CNTNAP2: variants seen among roughly 807,000 people sequenced by gnomAD.
The protein encoded by CNTNAP2 is contactin-associated protein-like 2.
CNTNAP2 carries 98 observed loss-of-function variants against 155.2 expected under a neutral mutation model. That is an observed-to-expected ratio of 0.63 (90% CI 0.54 to 0.75). The LOEUF (loss-of-function observed/expected upper bound fraction) is 0.75, where lower values mean the gene tolerates loss of function less well. Ranked by LOEUF, CNTNAP2 falls within the 30% of genes least tolerant of loss-of-function variation. The pLI is 0.00. For synonymous variants in CNTNAP2, 651 were observed against 631.2 expected (o/e 1.03, Z -0.47); for missense variants, 1,727 against 1,688.1 (o/e 1.02, Z -0.40).
chr7:146,465,245 A>AT (rs1796701170), intron 1 of CNTNAP2, among the ~76,000 whole-genome samples: 1 of 152,096 alleles, frequency 6.6e-6, no homozygotes, highest in Non-Finnish European at 1.5e-5. Flanking sequence ...AGCTAGCTAA[A>AT]TTTTTCCCCA....
chr7:147,053,275 T>C (rs1799504536), intron 4 of CNTNAP2, among the ~76,000 whole-genome samples: 1 of 152,050 alleles, frequency 6.6e-6, no homozygotes, highest in Admixed American at 6.6e-5. Flanking sequence ...ATGAACAAAT[T>C]TAAAGCATGG....
intron 13 of CNTNAP2, among the ~76,000 whole-genome samples, chr7:147,721,381 T>G (rs1796563968): frequency 6.6e-6 from 1 of 152,110 alleles, no homozygotes; most frequent in Non-Finnish European, 1.5e-5. Context: ...TTTAACCCTG[T>G]TAACTTTAGT....
chr7:147,275,847 G>C (rs544169366), intron 8 of CNTNAP2, among the ~76,000 whole-genome samples: 1 of 151,866 alleles, frequency 6.6e-6, no homozygotes, highest in African/African-American at 2.4e-5. Context: ...CCTTCAATCC[G>C]TAGTTTGTTG....
chr7:146,363,326 C>A (rs1420372980), intron 1 of CNTNAP2, among the ~76,000 whole-genome samples: 1 of 152,134 alleles, frequency 6.6e-6, no homozygotes, highest in African/African-American at 2.4e-5. Flanking sequence ...TCTCTATCGT[C>A]TATCTAACTT....
intron 12 of CNTNAP2, among the ~76,000 whole-genome samples, chr7:147,632,551 C>T (rs1324054393): frequency 1.3e-5 from 2 of 152,162 alleles, no homozygotes; most frequent in African/African-American, 2.4e-5. Context: ...CTGATGCCTC[C>T]TCAGCCATGT....
intron 11 of CNTNAP2, among the ~76,000 whole-genome samples, chr7:147,535,261 G>A (rs115807844): frequency 0.011 from 1,649 of 152,092 alleles, 32 homozygotes; most frequent in African/African-American, 0.036. Context: ...GCCTGATGGC[G>A]GGCCCCTGTA....
intron 13 of CNTNAP2, among the ~76,000 whole-genome samples, chr7:147,801,770 AC>A (rs1349565382): frequency 2.0e-5 from 3 of 151,406 alleles, no homozygotes; most frequent in Non-Finnish European, 4.4e-5. Context: ...TCTTTTCCCC[AC>A]CCTTCCCCCC....
chr7:146,896,790 G>A (rs1260343392), intron 3 of CNTNAP2, among the ~76,000 whole-genome samples: 1 of 151,842 alleles, frequency 6.6e-6, no homozygotes, highest in Non-Finnish European at 1.5e-5. Context: ...TTTTACTTTA[G>A]TAAGTAATTT....
intron 1 of CNTNAP2, among the ~76,000 whole-genome samples, chr7:146,151,703 T>TC (rs1798054142): frequency 3.3e-5 from 2 of 61,178 alleles, no homozygotes; most frequent in Admixed American, 2.8e-4. Flanking sequence ...TATATGTATA[T>TC]ATATATATAT....
intron 3 of CNTNAP2, among the ~76,000 whole-genome samples, chr7:146,938,997 C>T (rs551645578): frequency 1.3e-5 from 2 of 152,060 alleles, no homozygotes; most frequent in African/African-American, 2.4e-5. Flanking sequence ...CTAGCCTTTA[C>T]TGTAGGACAA....
At chr7:146,742,218 A>G (rs1012257647) in intron 1 of CNTNAP2, among the ~76,000 whole-genome samples, 3 of 152,128 alleles carry the variant, frequency 2.0e-5, no homozygotes, top group African/African-American at 7.2e-5. Flanking sequence ...CATAAACTAA[A>G]TAAATAACAT....
chr7:146,125,934 GT>G (rs980875311), intron 1 of CNTNAP2, among the ~76,000 whole-genome samples: 5 of 152,098 alleles, frequency 3.3e-5, no homozygotes, highest in Non-Finnish European at 7.3e-5. Context: ...CTTATAAAAC[GT>G]TCTGCTTGTA....
At chr7:146,397,400 A>G (rs1795645710) in intron 1 of CNTNAP2, among the ~76,000 whole-genome samples, 2 of 152,138 alleles carry the variant, frequency 1.3e-5, no homozygotes, top group East Asian at 3.9e-4. Context: ...ATTGCCTGTC[A>G]TTTCTCCTGC....
intron 20 of CNTNAP2, among the ~76,000 whole-genome samples, chr7:148,240,254 C>T (rs1348007512): frequency 6.6e-6 from 1 of 152,114 alleles, no homozygotes; most frequent in African/African-American, 2.4e-5. Flanking sequence ...TAAAATGTAT[C>T]TTTTACAACT....
intron 1 of CNTNAP2, among the ~76,000 whole-genome samples, chr7:146,233,978 C>G (rs537601832): frequency 2.0e-5 from 3 of 150,940 alleles, no homozygotes; most frequent in Admixed American, 6.7e-5. Context: ...TGGGAATATA[C>G]CCAGTAATGG....
intron 5 of CNTNAP2, among the ~76,000 whole-genome samples, chr7:147,119,780 GA>G (rs1254127111): frequency 2.0e-5 from 3 of 151,976 alleles, no homozygotes; most frequent in African/African-American, 7.3e-5. Context: ...AAGAAAGAAG[GA>G]AAGGAAGGAA....
intron 14 of CNTNAP2, among the ~76,000 whole-genome samples, chr7:147,916,731 C>G (rs1463120130): frequency 3.4e-5 from 5 of 148,890 alleles, no homozygotes; most frequent in African/African-American, 1.2e-4. Context: ...AAAAAAAGAT[C>G]AAATTAAAAG....
Position 147,176,620 on chromosome 7 carries a change from A to G in CNTNAP2, c.1348+44111A>G, listed in dbSNP as rs893833029. On this transcript the variant is annotated intron_variant, in intron 8 of 23. Coordinates refer to ENST00000361727, the MANE Select transcript of CNTNAP2 (RefSeq NM_014141.6). Reference sequence around the variant, plus strand: ...TTATATACATATGTATAATATACTTACATACACACGTATAATATAATATTT... The same window carrying G: ...TTATATACATATGTATAATATACTTGCATACACACGTATAATATAATATTT... Among the ~76,000 whole-genome samples, 4 of 144,266 alleles carry G rather than the reference A, an allele frequency of 2.8e-5. No homozygotes were observed. In the Admixed American group the frequency reaches 2.9e-4, roughly 10 times the overall value. 94.6% of individuals were successfully genotyped at this position (144,266 alleles called of 152,430 possible).
chr7:147,202,253 A>AG (rs397803609), intron 8 of CNTNAP2, among the ~76,000 whole-genome samples: 1 of 151,542 alleles, frequency 6.6e-6, no homozygotes, highest in Non-Finnish European at 1.5e-5. Context: ...AAAAAAAAAA[A>AG]GAAATCTAAA....
Sources: allele counts gnomAD v4.1 joint callset (sites outside exome capture counted in the v4.1 genomes callset), GRCh38; gene constraint gnomAD v4.1.1; transcripts MANE v1.5; gene names NCBI Gene and HGNC (gene_info 2026-07-23, HGNC 2026-07-21).